The following EXD1 variants were observed in gnomAD, a reference collection of about 807,000 sequenced individuals.
EXD1 encodes the protein exonuclease 3'-5' domain containing 1, also known as piRNA biogenesis protein EXD1.
A neutral mutation model predicts 49.1 loss-of-function variants in EXD1; 63 were observed. The observed-to-expected ratio is 1.28, with a 90% CI of 1.05 to 1.58. The LOEUF is 1.58. Ranked by LOEUF, EXD1 falls within the 40% of genes most tolerant of loss-of-function variation. EXD1 has a pLI of 0.00. For missense variants in EXD1, 748 were observed against 666.0 expected (o/e 1.12, Z -1.36); for synonymous variants, 234 against 239.2 (o/e 0.98, Z 0.20).
chr15:41,193,575 A>T (rs906392639), intron 9 of EXD1, among the ~76,000 whole-genome samples: 3 of 152,008 alleles, frequency 2.0e-5, no homozygotes, highest in Non-Finnish European at 2.9e-5. Flanking sequence ...CCCATATCTT[A>T]AAAAAATTTT....
intron 1 of EXD1, among the ~76,000 whole-genome samples, chr15:41,228,640 T>C (rs1320211566): frequency 2.0e-5 from 3 of 152,118 alleles, no homozygotes; most frequent in African/African-American, 7.2e-5. Context: ...AAAAGGAGAA[T>C]TTTTAAAGAA....
chr15:41,196,378 G>A (rs930455753), intron 7 of EXD1, among the ~76,000 whole-genome samples: 31 of 146,034 alleles, frequency 2.1e-4, no homozygotes, highest in Admixed American at 4.9e-4. Flanking sequence ...GTGCAGTGGC[G>A]CGATCTTGGC....
Position 41,184,256 on chromosome 15 carries a change from G to C in EXD1, c.1394C>G (p.Ser465Cys), listed in dbSNP as rs752211289. ...CTTTGTGCAAATGAGTTTGTTACTG[G>C]AATCCTCACTGGTTTCCCCTTCCTC... ...PTEEGETSED[S>C]SNKLICTKSK... is the part of the protein sequence containing the mutation. The change falls in exon 12 of 12, where the codon TCC (serine) becomes TGC (cysteine). Residue 465 changes from serine (S) to cysteine (C), a missense_variant. By Grantham distance (112) the Ser-to-Cys change is moderately radical. Transcript: ENST00000458580. The C allele has an allele frequency of 6.2e-7, 1 of 1,614,148 alleles. No individual in the cohort carries two copies. The highest frequency in any genetic ancestry group is 8.5e-7 in the Non-Finnish European group (1 of 1,180,036).
Position 41,184,519 on chromosome 15 carries a change from T to G in EXD1, c.1131A>C (p.Ala377=). The G allele has an allele frequency of 6.2e-7, 1 of 1,613,588 alleles. No individual in the cohort carries two copies. Among genetic ancestry groups the G allele is most frequent in the Non-Finnish European group, 8.5e-7 (1 of 1,179,892 alleles). ...CCTGTGCATTCACCCTATATTCTCT[T>G]GCAGCTTTCTCCCTGCGCTGCTTCT... ...DFQKQRREKA[A]REYRVNAQGL... is the part of the protein sequence containing the mutation. Residue 377 remains alanine (A), a synonymous_variant, in exon 12 of 12, where the codon GCA becomes GCC. Transcript: ENST00000458580.
intron 5 of EXD1, among the ~76,000 whole-genome samples, chr15:41,216,148 A>T (rs2046995988): frequency 6.6e-6 from 1 of 152,126 alleles, no homozygotes; most frequent in Non-Finnish European, 1.5e-5. Flanking sequence ...CACAGTATGT[A>T]CTCAGTTATT....
At chr15:41,186,185 C>T (rs948361650) in intron 11 of EXD1, among the ~76,000 whole-genome samples, 2 of 151,936 alleles carry the variant, frequency 1.3e-5, no homozygotes, top group Non-Finnish European at 2.9e-5. Flanking sequence ...CTGTAGATTG[C>T]AATAGTCAGG....
chr15:41,216,054 T>G (rs909140281), intron 5 of EXD1, among the ~76,000 whole-genome samples: 6 of 152,120 alleles, frequency 3.9e-5, no homozygotes, highest in African/African-American at 1.4e-4. Context: ...TAATTTAGCA[T>G]CTGTTTGCTG....
intron 7 of EXD1, among the ~76,000 whole-genome samples, chr15:41,202,565 C>T (rs1037712571): frequency 6.6e-6 from 1 of 151,972 alleles, no homozygotes; most frequent in Non-Finnish European, 1.5e-5. Context: ...AAACTAACTC[C>T]TGGGGGCTCA....
At chr15:41,216,497 G>A (rs766599197) in intron 5 of EXD1, among the ~76,000 whole-genome samples, 171 bp downstream of exon 5, 11 of 152,068 alleles carry the variant, frequency 7.2e-5, no homozygotes, top group Non-Finnish European at 1.5e-4. Context: ...TGGGCGTGGT[G>A]GCACATGCCT....
At chr15:41,190,228 A>T (rs2046489182) in intron 10 of EXD1, 100 bp from the exon 11 acceptor site, 2 of 1,255,178 alleles carry the variant, frequency 1.6e-6, no homozygotes. Context: ...TAATCCCAGC[A>T]CTCTGGGAGG....
chr15:41,214,844 C>T (rs1482591236), intron 6 of EXD1, among the ~76,000 whole-genome samples: 1 of 152,058 alleles, frequency 6.6e-6, no homozygotes, highest in East Asian at 1.9e-4. Context: ...CTCCCGAGTT[C>T]ACACCATTCT....
intron 9 of EXD1, among the ~76,000 whole-genome samples, chr15:41,193,961 T>C (rs1168114369): frequency 6.6e-6 from 1 of 151,158 alleles, no homozygotes; most frequent in African/African-American, 2.4e-5. Context: ...GAGATTATCC[T>C]GAATTACCCA....
chr15:41,200,405 C>G (rs1256488243), intron 7 of EXD1, among the ~76,000 whole-genome samples: 1 of 152,060 alleles, frequency 6.6e-6, no homozygotes. Context: ...CACCTGTAGT[C>G]CCAGCTAGTC....
At chr15:41,218,101 C>T (rs1208631561) in intron 3 of EXD1, among the ~76,000 whole-genome samples, 1 of 152,086 alleles carries the variant, frequency 6.6e-6, no homozygotes, top group Non-Finnish European at 1.5e-5. Flanking sequence ...TCCCAGCACT[C>T]TGGGAAGCTG....
intron 2 of EXD1, among the ~76,000 whole-genome samples, chr15:41,225,631 C>T (rs1003282131): frequency 6.6e-6 from 1 of 150,800 alleles, no homozygotes; most frequent in African/African-American, 2.4e-5. Context: ...GCCTATAATC[C>T]CAGCACTTTG....
At chr15:41,204,556 C>CA (rs1260401724) in intron 7 of EXD1, among the ~76,000 whole-genome samples, 5 of 151,558 alleles carry the variant, frequency 3.3e-5, no homozygotes, top group African/African-American at 1.2e-4. Flanking sequence ...ATCTCAAAAA[C>CA]AAAAAACAAA....
At chr15:41,201,621 C>T (rs1442654857) in intron 7 of EXD1, among the ~76,000 whole-genome samples, 1 of 151,378 alleles carries the variant, frequency 6.6e-6, no homozygotes, top group African/African-American at 2.4e-5. Context: ...TCCCGAGTAG[C>T]TGGGACTACA....
At chr15:41,193,842 G>A (rs1006322417) in intron 9 of EXD1, among the ~76,000 whole-genome samples, 2 of 151,794 alleles carry the variant, frequency 1.3e-5, no homozygotes, top group Non-Finnish European at 2.9e-5. Context: ...ATCTATATGT[G>A]GTAGGCTGGC....
chr15:41,198,706 A>C (rs1055297580), intron 7 of EXD1, among the ~76,000 whole-genome samples: 5 of 151,484 alleles, frequency 3.3e-5, no homozygotes, highest in African/African-American at 1.2e-4. Context: ...TAATTAAAAA[A>C]AATTTTTTTT....
Sources: gnomAD v4.1 joint callset for allele counts (sites outside exome capture counted in the v4.1 genomes callset) on GRCh38, gnomAD v4.1.1 for gene constraint, MANE v1.5 for transcripts, NCBI Gene and HGNC (gene_info 2026-07-23, HGNC 2026-07-21) for gene names.